PEX5L: variants seen among roughly 807,000 people sequenced by gnomAD.
PEX5L encodes PEX5-related protein.
PEX5L carries 30 observed loss-of-function variants against 84.0 expected under a neutral mutation model. The ratio of observed to expected loss-of-function variants is 0.36; its 90% CI spans 0.27 to 0.48. The LOEUF is 0.48. Ranked by LOEUF, PEX5L falls within the 20% of genes least tolerant of loss-of-function variation. The probability of loss-of-function intolerance (pLI) is 0.99; values close to 1 mark genes in which losing one functional copy is unlikely to be tolerated. For missense variants in PEX5L, 533 were observed against 754.6 expected (o/e 0.71, Z 3.44); for synonymous variants, 270 against 283.1 (o/e 0.95, Z 0.46).
At chr3:180,030,135 G>T (rs1345726975) in intron 1 of PEX5L, among the ~76,000 whole-genome samples, 1 of 152,152 alleles carries the variant, frequency 6.6e-6, no homozygotes, top group African/African-American at 2.4e-5. Flanking sequence ...GTTGGATTTT[G>T]CTGGTCATTA....
intron 1 of PEX5L, among the ~76,000 whole-genome samples, chr3:179,992,579 G>C (rs992022783): frequency 6.6e-6 from 1 of 152,134 alleles, no homozygotes; most frequent in Non-Finnish European, 1.5e-5. Flanking sequence ...GCTGGAGTAG[G>C]TAAAACAGAG....
chr3:179,974,644 T>C lies in PEX5L; in HGVS notation c.22-2979A>G, dbSNP rs148338787. 9.8e-5 allele frequency among the ~76,000 whole-genome samples: 15 copies of C among 152,312 alleles called. 1 individual carries two copies. Among genetic ancestry groups the C allele is most frequent in the African/African-American group, 2.9e-4 (12 of 41,578 alleles). On this transcript the variant is annotated intron_variant, in intron 1 of 14. Transcript: ENST00000467460. ...TCCTATCTTTCCACACCATTCTGAA[T>C]CCTTTCTGACCTGCAAGAGACGTAT...
chr3:179,945,601 A>T (rs1469431392), intron 2 of PEX5L, among the ~76,000 whole-genome samples: 1 of 152,126 alleles, frequency 6.6e-6, no homozygotes, highest in Non-Finnish European at 1.5e-5. Flanking sequence ...AACAGTTCCC[A>T]CGGAGGCTAG....
At chr3:179,945,620 A>T (rs1261151851) in intron 2 of PEX5L, among the ~76,000 whole-genome samples, 3 of 152,192 alleles carry the variant, frequency 2.0e-5, no homozygotes, top group Admixed American at 2.0e-4. Context: ...AGTACAGGGC[A>T]TGACACACGC....
intron 1 of PEX5L, among the ~76,000 whole-genome samples, chr3:179,985,427 A>G (rs1786723981): frequency 7.1e-6 from 1 of 140,544 alleles, no homozygotes; most frequent in Admixed American, 7.0e-5. Context: ...TGGAAGCCAA[A>G]GCTCATTCTG....
At chr3:179,804,861 G>A (rs1430818979) in intron 14 of PEX5L, among the ~76,000 whole-genome samples, 6 of 152,176 alleles carry the variant, frequency 3.9e-5, no homozygotes, top group East Asian at 1.9e-4. Context: ...GCTCATGCCT[G>A]TAATCCCCGC....
At chr3:179,961,201 A>ATGTGTG (rs72242969) in intron 2 of PEX5L, among the ~76,000 whole-genome samples, 2,582 of 65,292 alleles carry the variant, frequency 0.04, 72 homozygotes, top group African/African-American at 0.087. Flanking sequence ...GTGTATGTGT[A>ATGTGTG]TGTGTGTGTG....
At position 179,923,765 on chromosome 3, in the gene PEX5L, C is replaced by T. The variant is rs188945477; in HGVS notation, c.94-25519G>A. 5.2e-4 allele frequency among the ~76,000 whole-genome samples: 79 copies of T among 152,304 alleles called. 1 individual carries two copies. Among genetic ancestry groups the T allele is most frequent in the South Asian group, 4.3e-3 (21 of 4,830 alleles). The stretch of plus-strand genomic sequence containing the variant: ...GAGCACAGTAATAACTGTCTAACTT[C>T]TAAGTCTGACATAAGAACTAGATGA... On this transcript the variant is annotated intron_variant, in intron 2 of 14. Coordinates refer to ENST00000467460, the MANE Select transcript of PEX5L (RefSeq NM_016559.3).
At chr3:179,955,475 G>T (rs1185652403) in intron 2 of PEX5L, among the ~76,000 whole-genome samples, 2 of 52,230 alleles carry the variant, frequency 3.8e-5, no homozygotes, top group Admixed American at 3.9e-4. Context: ...GTTCTGCTAT[G>T]CTCTTTTTTT....
intron 2 of PEX5L, among the ~76,000 whole-genome samples, chr3:179,922,792 C>T (rs1173326760): frequency 6.6e-6 from 1 of 151,922 alleles, no homozygotes; most frequent in Non-Finnish European, 1.5e-5. Flanking sequence ...GTTTGAAGGA[C>T]AAAATATTCA....
rs56391302 is a variant in PEX5L at position 180,006,338 on chromosome 3, GAA to G, written c.21+30239_21+30240del. On this transcript the variant is annotated intron_variant, in intron 1 of 14. Transcript: ENST00000467460. Reference sequence around the variant, plus strand: ...CACAAAACCTAATCCCTGAAGTAGTGAAAAAAAAAGTTTTAAAAGTTTTCATT... The same window carrying G: ...CACAAAACCTAATCCCTGAAGTAGTGAAAAAAAGTTTTAAAAGTTTTCATT... Among the ~76,000 whole-genome samples, 31 of 148,312 alleles carry G rather than the reference GAA, an allele frequency of 2.1e-4. No homozygotes were observed. In the East Asian group the frequency reaches 6.1e-3, roughly 29 times the overall value.
chr3:179,852,012 C>T (rs1043272836), intron 8 of PEX5L, among the ~76,000 whole-genome samples: 1 of 152,034 alleles, frequency 6.6e-6, no homozygotes, highest in African/African-American at 2.4e-5. Flanking sequence ...TGGAATGGGA[C>T]GAGGCTGGGG....
In PEX5L at chr3:179,896,408, T is replaced by G. The variant is rs184594266; in HGVS notation, c.198+1734A>C. ...GTGTAACTAATACCTCAAAAACAGT[T>G]AATGCAACATTAGACAGGGATTAAA... On this transcript the variant is annotated intron_variant, in intron 3 of 14. Coordinates refer to ENST00000467460, the MANE Select transcript of PEX5L (RefSeq NM_016559.3). Among the ~76,000 whole-genome samples, 301 of 152,244 alleles carry G rather than the reference T, an allele frequency of 2.0e-3. 1 individual carries two copies. Among genetic ancestry groups the G allele is most frequent in the Non-Finnish European group, 2.6e-3 (179 of 67,996 alleles).
chr3:179,840,539 GA>G (rs1202850739), intron 8 of PEX5L, among the ~76,000 whole-genome samples: 1 of 152,136 alleles, frequency 6.6e-6, no homozygotes, highest in Non-Finnish European at 1.5e-5. Context: ...TACACTTCGA[GA>G]AGAGACTCGG....
At chr3:180,029,569 T>G (rs1019572726) in intron 1 of PEX5L, among the ~76,000 whole-genome samples, 15 of 152,224 alleles carry the variant, frequency 9.9e-5, no homozygotes, top group African/African-American at 3.4e-4. Flanking sequence ...TGATAGCTGC[T>G]CTTTCCAGCT....
At chr3:179,954,483 T>A (rs6769137) in intron 2 of PEX5L, among the ~76,000 whole-genome samples, 1 of 151,998 alleles carries the variant, frequency 6.6e-6, no homozygotes, top group Non-Finnish European at 1.5e-5. Context: ...AACTGGCAAG[T>A]GGCAGCAGGT....
intron 14 of PEX5L, among the ~76,000 whole-genome samples, chr3:179,802,532 C>CAAAAAAAAAAAA (rs369244711): frequency 4.1e-5 from 3 of 73,884 alleles, no homozygotes; most frequent in African/African-American, 8.4e-5. Flanking sequence ...GAGACTGTCT[C>CAAAAAAAAAAAA]AAAAAAAAAA....
At chr3:179,903,818 T>C (rs2109065510) in intron 2 of PEX5L, among the ~76,000 whole-genome samples, 1 of 152,334 alleles carries the variant, frequency 6.6e-6, no homozygotes, top group African/African-American at 2.4e-5. Context: ...GTTCAGGACA[T>C]GTTGGTTCTG....
In PEX5L at chr3:180,010,246, C is replaced by CTTTTTTTTTTTTTTTTTTTTTTTTT. The variant is rs1178375452; in HGVS notation, c.21+26332_21+26333insAAAAAAAAAAAAAAAAAAAAAAAAA. Reference sequence around the variant, plus strand: ...AGGCGTGAGCCACTGCACCCGGCCTCTTTTTTTTTTTTTTTTTTTTCTGTA... The same window carrying CTTTTTTTTTTTTTTTTTTTTTTTTT: ...AGGCGTGAGCCACTGCACCCGGCCTCTTTTTTTTTTTTTTTTTTTTTTTTTTTTTTTTTTTTTTTTTTTTTCTGTA... On this transcript the variant is annotated intron_variant, in intron 1 of 14. Coordinates refer to ENST00000467460, the MANE Select transcript of PEX5L (RefSeq NM_016559.3). Among the ~76,000 whole-genome samples the CTTTTTTTTTTTTTTTTTTTTTTTTT allele has an allele frequency of 1.4e-4, 15 of 105,150 alleles. 2 individuals are homozygous for CTTTTTTTTTTTTTTTTTTTTTTTTT. The highest frequency in any genetic ancestry group is 2.0e-4 in the Non-Finnish European group (11 of 53,944). The allele number at this position is 105,150 out of a possible 152,430, so 69.0% of individuals were successfully genotyped here.
Sources: gnomAD v4.1 joint callset for allele counts (sites outside exome capture counted in the v4.1 genomes callset) on GRCh38, gnomAD v4.1.1 for gene constraint, MANE v1.5 for transcripts, NCBI Gene and HGNC (gene_info 2026-07-23, HGNC 2026-07-21) for gene names.